The following SLC8A1 variants were observed in gnomAD, a reference collection of about 807,000 sequenced individuals.
SLC8A1 encodes sodium/calcium exchanger 1.
SLC8A1 carries 18 observed loss-of-function variants against 68.3 expected under a neutral mutation model. That is an observed-to-expected ratio of 0.26 (90% CI 0.18 to 0.39). The LOEUF (loss-of-function observed/expected upper bound fraction) is 0.39. Ranked by LOEUF, SLC8A1 falls within the 10% of genes least tolerant of loss-of-function variation. SLC8A1 has a pLI of 1.00. For synonymous variants in SLC8A1, 475 were observed against 415.5 expected (o/e 1.14, Z -1.74); for missense variants, 985 against 1,156.7 (o/e 0.85, Z 2.15).
intron 2 of SLC8A1, among the ~76,000 whole-genome samples, chr2:40,309,570 A>G (rs1010438507): frequency 1.4e-5 from 2 of 144,962 alleles, no homozygotes; most frequent in South Asian, 4.4e-4. Flanking sequence ...GCAATGGTGC[A>G]ATCTTGGCTG....
At chr2:40,442,091 C>G (rs1700595474) in intron 1 of SLC8A1, among the ~76,000 whole-genome samples, 1 of 147,974 alleles carries the variant, frequency 6.8e-6, no homozygotes, top group African/African-American at 2.5e-5. Flanking sequence ...GGAGATATAC[C>G]TAATGCTAAA....
At chr2:40,284,197 C>G (rs1004438819) in intron 2 of SLC8A1, among the ~76,000 whole-genome samples, 1 of 151,302 alleles carries the variant, frequency 6.6e-6, no homozygotes, top group South Asian at 2.1e-4. Context: ...CTATCTATAC[C>G]AATATATCTC....
At chr2:40,391,804 C>G (rs11124740) in intron 2 of SLC8A1, among the ~76,000 whole-genome samples, 37,098 of 151,878 alleles carry the variant, frequency 0.24, 5,082 homozygotes, top group African/African-American at 0.38. Context: ...AAAGTGTTAA[C>G]CACATCACGC....
intron 7 of SLC8A1, among the ~76,000 whole-genome samples, chr2:40,137,860 C>A (rs1025663775): frequency 1.3e-5 from 2 of 152,080 alleles, no homozygotes; most frequent in African/African-American, 4.8e-5. Context: ...TTACCAGAAG[C>A]ATGTGGAGTC....
At chr2:40,476,112 T>G (rs1390179128) in intron 1 of SLC8A1, among the ~76,000 whole-genome samples, 1 of 152,202 alleles carries the variant, frequency 6.6e-6, no homozygotes, top group Non-Finnish European at 1.5e-5. Context: ...TTGTGGAACT[T>G]CTTGATTTTT....
chr2:40,188,418 C>G (rs575377096), intron 2 of SLC8A1, among the ~76,000 whole-genome samples: 1 of 152,308 alleles, frequency 6.6e-6, no homozygotes, highest in Admixed American at 6.5e-5. Flanking sequence ...CCATTTGCCA[C>G]TGCCTATTAC....
rs1268207309 is a variant in SLC8A1 at position 40,400,734 on chromosome 2, TG to T, written c.1808+27738del. Among the ~76,000 whole-genome samples, 6 of 152,038 alleles carry T rather than the reference TG, an allele frequency of 3.9e-5. No homozygotes were observed. The East Asian group carries it at 1.2e-3, about 30-fold the overall frequency. On this transcript the variant is annotated intron_variant, in intron 2 of 7. Coordinates refer to ENST00000406785, the Ensembl canonical transcript of SLC8A1. ...GAAAGGTACCAGTTCCCTTGCAAGA[TG>T]GGGGTAGGAGAGGGCTCTTCTCAGA...
At chr2:40,242,496 A>G (rs575805851) in intron 2 of SLC8A1, among the ~76,000 whole-genome samples, 1 of 152,140 alleles carries the variant, frequency 6.6e-6, no homozygotes, top group Non-Finnish European at 1.5e-5. Context: ...TATAATTATA[A>G]ATCTCCATCC....
chr2:40,226,725 T>C (rs2059028519), intron 2 of SLC8A1, among the ~76,000 whole-genome samples: 1 of 152,170 alleles, frequency 6.6e-6, no homozygotes, highest in South Asian at 2.1e-4. Flanking sequence ...TGAATGTCCA[T>C]AAGAGAAGCA....
At chr2:40,483,075 A>G (rs909611853) in intron 1 of SLC8A1, among the ~76,000 whole-genome samples, 1 of 151,244 alleles carries the variant, frequency 6.6e-6, no homozygotes, top group African/African-American at 2.4e-5. Flanking sequence ...AAGGGCTGGG[A>G]TTACAGGCAT....
intron 2 of SLC8A1, among the ~76,000 whole-genome samples, chr2:40,386,717 T>C (rs1042707520): frequency 6.6e-6 from 1 of 150,834 alleles, no homozygotes; most frequent in Admixed American, 6.6e-5. Context: ...TATATTCATG[T>C]ACGGAAACAG....
intron 2 of SLC8A1, among the ~76,000 whole-genome samples, chr2:40,420,926 T>A (rs545138482): frequency 2.0e-5 from 3 of 152,162 alleles, no homozygotes; most frequent in Admixed American, 6.6e-5. Context: ...GAAAGTTAAA[T>A]CTCTAAGCTT....
At chr2:40,348,218 C>A (rs1240299588) in intron 2 of SLC8A1, among the ~76,000 whole-genome samples, 1 of 152,138 alleles carries the variant, frequency 6.6e-6, no homozygotes, top group Non-Finnish European at 1.5e-5. Context: ...CTGCAGTTCC[C>A]ACCAGCTGGA....
At chr2:40,464,523 AG>A (rs1703544455) in intron 1 of SLC8A1, among the ~76,000 whole-genome samples, 1 of 152,250 alleles carries the variant, frequency 6.6e-6, no homozygotes, top group African/African-American at 2.4e-5. Context: ...ATTGCTTTAA[AG>A]ATTGTAAGAA....
intron 1 of SLC8A1, among the ~76,000 whole-genome samples, chr2:40,500,795 C>CTTTTTTTTTTTTTTTTTTT (rs1191619172): frequency 5.4e-5 from 2 of 37,264 alleles, no homozygotes; most frequent in Admixed American, 4.8e-4. Flanking sequence ...TATCATCTGA[C>CTTTTTTTTTTTTTTTTTTT]TTTTTTTTTT....
chr2:40,480,307 G>C (rs1704548827), intron 1 of SLC8A1, among the ~76,000 whole-genome samples: 1 of 152,056 alleles, frequency 6.6e-6, no homozygotes, highest in Admixed American at 6.5e-5. Flanking sequence ...TAACCCCCAT[G>C]GTGATGTATG....
In SLC8A1 at chr2:40,222,752, T is replaced by A. The variant is rs187955498; in HGVS notation, c.1809-44897A>T. 1.6e-3 allele frequency among the ~76,000 whole-genome samples: 239 copies of A among 151,990 alleles called. 2 individuals are homozygous for A. Among genetic ancestry groups the A allele is most frequent in the African/African-American group, 5.6e-3 (233 of 41,448 alleles). The stretch of plus-strand genomic sequence containing the variant: ...TTAAAGAAAACATTTATGTGGCCAA[T>A]AAACATATGAAAAAAAGCTCATCAT... On this transcript the variant is annotated intron_variant, in intron 2 of 7. Coordinates refer to ENST00000406785, the Ensembl canonical transcript of SLC8A1.
intron 7 of SLC8A1, among the ~76,000 whole-genome samples, chr2:40,132,217 G>A (rs1471445282): frequency 6.6e-6 from 1 of 152,054 alleles, no homozygotes; most frequent in African/African-American, 2.4e-5. Flanking sequence ...AAGATGGCAC[G>A]ATAGAGTAGC....
At chr2:40,228,675 C>A (rs1184831004) in intron 2 of SLC8A1, among the ~76,000 whole-genome samples, 1 of 152,136 alleles carries the variant, frequency 6.6e-6, no homozygotes, top group African/African-American at 2.4e-5. Context: ...TGGCAGGGAG[C>A]TTTTCTATGC....
Sources: allele counts gnomAD v4.1 joint callset (sites outside exome capture counted in the v4.1 genomes callset), GRCh38; gene constraint gnomAD v4.1.1; transcripts MANE v1.5; gene names NCBI Gene and HGNC (gene_info 2026-07-23, HGNC 2026-07-21).